ZNF197: variants seen among roughly 807,000 people sequenced by gnomAD.
ZNF197 encodes VHL-associated KRAB-A domain-containing protein.
In ZNF197, 14 loss-of-function variants were observed where a neutral mutation model predicts 27.4. The ratio of observed to expected loss-of-function variants is 0.51; its 90% CI spans 0.34 to 0.80. ZNF197 has a LOEUF of 0.80. Among genes scored for constraint, ZNF197 ranks in the 30% least tolerant of loss-of-function variants. The probability of loss-of-function intolerance (pLI) is 0.02; values close to 1 mark genes in which losing one functional copy is unlikely to be tolerated. For missense variants in ZNF197, 1,090 were observed against 1,222.6 expected (o/e 0.89, Z 1.62); for synonymous variants, 415 against 420.0 (o/e 0.99, Z 0.15).
rs1171785723 is a variant in ZNF197, at chr3:44,646,730, T to C, written c.*2510T>C. The stretch of plus-strand genomic sequence containing the variant: ...CGATATGAAAGGTATAAAACATGGA[T>C]GAGGAGGCTTGTTTTTAAAAGATAA... On this transcript the variant is annotated 3_prime_UTR_variant, in exon 6 of 6. Coordinates refer to ENST00000344387, the MANE Select transcript of ZNF197 (RefSeq NM_006991.5). 1 of 503,180 alleles carries C rather than the reference T, an allele frequency of 2.0e-6. No individual in the cohort carries two copies. The highest frequency in any genetic ancestry group is 2.0e-5 in the African/African-American group (1 of 51,002). 31.2% of individuals were successfully genotyped at this position (503,180 alleles called of 1,614,324 possible). A position where few individuals can be genotyped will look rare whatever the true frequency, so the allele number is the denominator to read the frequency against.
rs145790938 is a variant in ZNF197, at chr3:44,630,193, G to A, written c.390+649G>A. Among the ~76,000 whole-genome samples the A allele has an allele frequency of 3.3e-5, 5 of 152,280 alleles. No individual in the cohort carries two copies. In the East Asian group the frequency reaches 5.8e-4, roughly 18 times the overall value. ...GATTACACCATTGCACTCCAGCCTG[G>A]GTGATGGAGTGAGATCCTGTCTTTA... On this transcript the variant is annotated intron_variant, in intron 2 of 5. Coordinates refer to ENST00000344387, the MANE Select transcript of ZNF197 (RefSeq NM_006991.5).
Position 44,642,697 on chromosome 3 carries a change from A to G in ZNF197, c.1567A>G (p.Lys523Glu). The G allele has an allele frequency of 6.2e-7, 1 of 1,614,048 alleles. No homozygotes were observed. The highest frequency in any genetic ancestry group is 8.5e-7 in the Non-Finnish European group (1 of 1,180,018). Residue 523 changes from lysine (K) to glutamate (E), a missense_variant, in exon 6 of 6, where the codon AAG becomes GAG. Lys to Glu is a moderately conservative substitution (Grantham distance 56, BLOSUM62 1). Transcript: ENST00000344387. Reference protein sequence around the residue: ...NKCQKAFILKKSLILHQRIHS... With the variant: ...NKCQKAFILKESLILHQRIHS... ...GTGTCAGAAAGCTTTCATTCTGAAG[A>G]AGAGCCTCATTCTGCACCAGAGAAT...
rs898136082 is a variant in ZNF197, at chr3:44,647,399, C to T, written c.*3179C>T. 2.0e-5 allele frequency: 3 copies of T among 151,934 alleles called. No homozygotes were observed. The highest frequency in any genetic ancestry group is 4.4e-5 in the Non-Finnish European group (3 of 67,970). The allele number at this position is 151,934 out of a possible 1,614,324, so 9.4% of individuals were successfully genotyped here. Reference sequence around the variant, plus strand: ...ACTCTGGAATATAATTTGGCAGTTTCTTGTAAAACCACACATGTATATGTC... The same window carrying T: ...ACTCTGGAATATAATTTGGCAGTTTTTTGTAAAACCACACATGTATATGTC... On this transcript the variant is annotated 3_prime_UTR_variant, in exon 6 of 6. Transcript: ENST00000344387.
Position 44,632,596 on chromosome 3 carries a change from C to G in ZNF197, c.766C>G (p.Leu256Val), listed in dbSNP as rs1169397630. ...GGAGAATTATGGAAATGTGACCTCC[C>G]TAGGTAAGGATTCTTCTTTCTATGA... ...MLENYGNVTS[L>V]EWETMTENEE... The change falls in exon 5 of 6, where the codon CTA (leucine) becomes GTA (valine). Residue 256 changes from leucine (L) to valine (V), a missense_variant. Coordinates refer to ENST00000344387, the MANE Select transcript of ZNF197 (RefSeq NM_006991.5). 1.9e-6 allele frequency: 3 copies of G among 1,556,178 alleles called. No individual in the cohort carries two copies. Among genetic ancestry groups the G allele is most frequent in the South Asian group, 1.2e-5 (1 of 80,954 alleles).
In ZNF197 at chr3:44,643,101, A is replaced by C. The variant is rs1451145306; in HGVS notation, c.1971A>C (p.Lys657Asn). The part of the protein sequence containing the change: ...EKPYECNECG[K>N]VFILKKSLIL... The stretch of plus-strand genomic sequence containing the variant: ...CCTATGAATGTAATGAATGTGGGAA[A>C]GTTTTTATTCTGAAGAAGAGCCTCA... Residue 657 changes from lysine (K) to asparagine (N), a missense_variant, in exon 6 of 6, where the codon AAA becomes AAC. Physicochemically the swap from Lys to Asn is moderately conservative, Grantham distance 94. Coordinates refer to ENST00000344387, the MANE Select transcript of ZNF197 (RefSeq NM_006991.5). The C allele has an allele frequency of 6.2e-7, 1 of 1,613,702 alleles. No homozygotes were observed. The highest frequency in any genetic ancestry group is 1.3e-5 in the African/African-American group (1 of 74,890).
At position 44,644,188 on chromosome 3, in the gene ZNF197, A is replaced by T. The variant is rs772270589; in HGVS notation, c.3058A>T (p.Asn1020Tyr). 1 of 1,608,976 alleles carries T rather than the reference A, an allele frequency of 6.2e-7. No individual in the cohort carries two copies. The highest frequency in any genetic ancestry group is 8.5e-7 in the Non-Finnish European group (1 of 1,178,226). Residue 1020 changes from asparagine to tyrosine, a missense_variant, in exon 6 of 6, where the codon AAT becomes TAT. Transcript: ENST00000344387. ...IEEFSWLQNT[N>Y]ESKIEIQKI Reference sequence around the variant, plus strand: ...GGAATTCTCTTGGCTACAAAACACCAATGAGTCCAAGATTGAGATTCAGAA... The same window carrying T: ...GGAATTCTCTTGGCTACAAAACACCTATGAGTCCAAGATTGAGATTCAGAA...
At chr3:44,641,177 A>G (rs1702581593) in intron 5 of ZNF197, among the ~76,000 whole-genome samples, 1 of 152,190 alleles carries the variant, frequency 6.6e-6, no homozygotes, top group South Asian at 2.1e-4. Context: ...ATATTAGTTT[A>G]GCCTCATCAT....
chr3:44,645,116 A>G lies in ZNF197; in HGVS notation c.*896A>G. 1.0e-6 allele frequency: 1 copy of G among 974,562 alleles called. No individual in the cohort carries two copies. Among genetic ancestry groups the G allele is most frequent in the East Asian group, 1.1e-4 (1 of 8,756 alleles). The allele number at this position is 974,562 out of a possible 1,614,324, so 60.4% of individuals were successfully genotyped here. A position where few individuals can be genotyped will look rare whatever the true frequency, so the allele number is the denominator to read the frequency against. ...TTTCCCTTAATGGCCATGTGATGTT[A>G]TTAAGTCAGCCTCTAAAGCTTTAGT... On this transcript the variant is annotated 3_prime_UTR_variant, in exon 6 of 6. Transcript: ENST00000344387.
chr3:44,627,285 A>T (rs2125790656), intron 1 of ZNF197, among the ~76,000 whole-genome samples: 1 of 152,298 alleles, frequency 6.6e-6, no homozygotes. Context: ...TGTAAGTAAA[A>T]TCACTTCACT....
rs751673525 is a variant in ZNF197, at chr3:44,643,889, A to G, written c.2759A>G (p.His920Arg). ...DFSQNKNLVV[H>R]QRMHTGEKPY... Reference sequence around the variant, plus strand: ...AGTCAGAATAAAAACCTTGTTGTACATCAGAGAATGCACACTGGGGAAAAA... The same window carrying G: ...AGTCAGAATAAAAACCTTGTTGTACGTCAGAGAATGCACACTGGGGAAAAA... Residue 920 changes from histidine to arginine, a missense_variant, in exon 6 of 6, where the codon CAT becomes CGT. Transcript: ENST00000344387. 1 of 1,613,900 alleles carries G rather than the reference A, an allele frequency of 6.2e-7. No homozygotes were observed. The highest frequency in any genetic ancestry group is 1.7e-5 in the Admixed American group (1 of 59,986).
chr3:44,633,337 G>T (rs1249650166), intron 5 of ZNF197, among the ~76,000 whole-genome samples: 1 of 152,206 alleles, frequency 6.6e-6, no homozygotes, highest in African/African-American at 2.4e-5. Flanking sequence ...CTGTGAAAAT[G>T]ATGTGATTCG....
Position 44,644,100 on chromosome 3 carries a change from G to A in ZNF197, c.2970G>A (p.Val990=), listed in dbSNP as rs756826372. The A allele has an allele frequency of 3.7e-6, 6 of 1,613,982 alleles. No individual in the cohort carries two copies. The highest frequency in any genetic ancestry group is 5.1e-6 in the Non-Finnish European group (6 of 1,180,024). ...HTDEKPCECD[V]SEKEFSQTSN... The stretch of plus-strand genomic sequence containing the variant: ...ATGAAAAACCTTGTGAATGTGATGT[G>A]TCTGAAAAAGAATTCTCTCAGACTT... The change falls in exon 6 of 6, where the codon GTG becomes GTA. Residue 990 remains valine, a synonymous_variant. Coordinates refer to ENST00000344387, the MANE Select transcript of ZNF197 (RefSeq NM_006991.5).
intron 5 of ZNF197, among the ~76,000 whole-genome samples, chr3:44,639,469 ATTT>A (rs1240195444): frequency 7.2e-6 from 1 of 139,566 alleles, no homozygotes. Flanking sequence ...GGTGGGGGTA[ATTT>A]TTTTTTTTTT....
In ZNF197 at chr3:44,645,572, A is replaced by C; in HGVS notation, c.*1352A>C. 1.0e-6 allele frequency: 1 copy of C among 985,410 alleles called. No individual in the cohort carries two copies. Among genetic ancestry groups the C allele is most frequent in the African/African-American group, 1.7e-5 (1 of 57,352 alleles). The allele number at this position is 985,410 out of a possible 1,614,324, so 61.0% of individuals were successfully genotyped here. ...TTTGAATTTGAAACTTAACAGATGGAGAGTGTCAAAATGGAAGGGCAGTGG... is the reference window on the plus strand; with the variant it reads ...TTTGAATTTGAAACTTAACAGATGGCGAGTGTCAAAATGGAAGGGCAGTGG... On this transcript the variant is annotated 3_prime_UTR_variant, in exon 6 of 6. Transcript: ENST00000344387.
chr3:44,630,890 C>A, intron 2 of ZNF197, 172 bp from the exon 3 acceptor site: 1 of 885,172 alleles, frequency 1.1e-6, no homozygotes, highest in South Asian at 1.4e-5. Context: ...GGCTCGAGGG[C>A]AGCTCCATTG....
At position 44,644,963 on chromosome 3, in the gene ZNF197, G is replaced by A; in HGVS notation, c.*743G>A. 1.0e-6 allele frequency: 1 copy of A among 985,476 alleles called. No individual in the cohort carries two copies. Among genetic ancestry groups the A allele is most frequent in the Non-Finnish European group, 1.2e-6 (1 of 829,936 alleles). The allele number at this position is 985,476 out of a possible 1,614,324, so 61.0% of individuals were successfully genotyped here. Reference sequence around the variant, plus strand: ...ATTTTAAAGATAGTGTCACTGCTGTGGAAAACCTGAACAGACAGTATGATC... The same window carrying A: ...ATTTTAAAGATAGTGTCACTGCTGTAGAAAACCTGAACAGACAGTATGATC... On this transcript the variant is annotated 3_prime_UTR_variant, in exon 6 of 6. Coordinates refer to ENST00000344387, the MANE Select transcript of ZNF197 (RefSeq NM_006991.5).
chr3:44,643,277 T>C lies in ZNF197; in HGVS notation c.2147T>C (p.Ile716Thr), dbSNP rs769874480. 1 of 1,614,038 alleles carries C rather than the reference T, an allele frequency of 6.2e-7. No homozygotes were observed. The highest frequency in any genetic ancestry group is 1.1e-5 in the South Asian group (1 of 91,062). ...TGTCGAGAGTGTGGGAAAACCTTTA[T>C]TATGAGCAAAAGTTTTATGGTCCAT... The part of the protein sequence containing the change: ...YECRECGKTF[I>T]MSKSFMVHQK... Residue 716 changes from isoleucine to threonine, a missense_variant, in exon 6 of 6, where the codon ATT becomes ACT. Coordinates refer to ENST00000344387, the MANE Select transcript of ZNF197 (RefSeq NM_006991.5).
chr3:44,637,467 G>A (rs151119851), intron 5 of ZNF197, among the ~76,000 whole-genome samples: 2,180 of 152,174 alleles, frequency 0.014, 26 homozygotes, highest in Middle Eastern at 0.027. Context: ...AAGGACAAAA[G>A]TCATTAATTG....
chr3:44,645,408 T>A lies in ZNF197; in HGVS notation c.*1188T>A. 1 of 985,388 alleles carries A rather than the reference T, an allele frequency of 1.0e-6. No individual in the cohort carries two copies. The highest frequency in any genetic ancestry group is 1.2e-6 in the Non-Finnish European group (1 of 829,884). 61.0% of individuals were successfully genotyped at this position (985,388 alleles called of 1,614,324 possible). A position where few individuals can be genotyped will look rare whatever the true frequency, so the allele number is the denominator to read the frequency against. On this transcript the variant is annotated 3_prime_UTR_variant, in exon 6 of 6. Coordinates refer to ENST00000344387, the MANE Select transcript of ZNF197 (RefSeq NM_006991.5). ...AATAGCTAACTGGAATTTAGTGTTC[T>A]AAGAATAATTTTGTTAAATTTACCT...
Sources: gnomAD v4.1 joint callset for allele counts (sites outside exome capture counted in the v4.1 genomes callset) on GRCh38, gnomAD v4.1.1 for gene constraint, MANE v1.5 for transcripts, NCBI Gene and HGNC (gene_info 2026-07-23, HGNC 2026-07-21) for gene names.